Variants in PHF2 observed in about 807,000 individuals in gnomAD.
PHF2 encodes lysine-specific demethylase PHF2.
A neutral mutation model predicts 120.5 loss-of-function variants in PHF2; 27 were observed. The ratio of observed to expected loss-of-function variants is 0.22; its 90% CI spans 0.17 to 0.31. PHF2 has a LOEUF of 0.31. Ranked by LOEUF, PHF2 falls within the 10% of genes least tolerant of loss-of-function variation. PHF2 has a pLI of 1.00. For missense variants in PHF2, 1,024 were observed against 1,434.8 expected, an observed-to-expected ratio of 0.71 and a Z score of 4.63; for synonymous variants, 568 against 592.5, an observed-to-expected ratio of 0.96 and a Z score of 0.60.
chr9:93,599,630 C>G (rs563627406), intron 1 of PHF2, among the ~76,000 whole-genome samples: 3 of 152,356 alleles, frequency 2.0e-5, no homozygotes, highest in African/African-American at 4.8e-5. Flanking sequence ...GCCTCTCAGC[C>G]GAGATATTCG....
intron 1 of PHF2, among the ~76,000 whole-genome samples, chr9:93,615,243 G>GA (rs1825710956): frequency 2.7e-5 from 4 of 149,974 alleles, no homozygotes; most frequent in African/African-American, 9.8e-5. Flanking sequence ...TGGTGATGGT[G>GA]TTGATGGTGA....
At chr9:93,604,024 G>A (rs1825492480) in intron 1 of PHF2, among the ~76,000 whole-genome samples, 1 of 152,212 alleles carries the variant, frequency 6.6e-6, no homozygotes, top group Non-Finnish European at 1.5e-5. Flanking sequence ...GGCCTCTCCT[G>A]GACTGTCAAA....
intron 10 of PHF2, 33 bp from the exon 11 acceptor site, chr9:93,659,478 C>G (rs1435090985): frequency 6.3e-7 from 1 of 1,583,588 alleles, no homozygotes; most frequent in Non-Finnish European, 8.7e-7. Flanking sequence ...CGGGAGGTGT[C>G]TGGTGCTGAC....
chr9:93,675,029 C>G lies in PHF2; in HGVS notation c.2722+7C>G. ...GCTCCCTACAGCCCAACAGGTAGTG[C>G]TGGGACAGGGGTAGGGGGTCCACCT... On this transcript the variant is annotated splice_region_variant and intron_variant, in intron 19 of 21. Coordinates refer to ENST00000359246, the MANE Select transcript of PHF2 (RefSeq NM_005392.4). 1 of 1,608,260 alleles carries G rather than the reference C, an allele frequency of 6.2e-7. No individual in the cohort carries two copies. The highest frequency in any genetic ancestry group is 8.5e-7 in the Non-Finnish European group (1 of 1,175,232).
chr9:93,634,958 G>C (rs187871139), intron 2 of PHF2, among the ~76,000 whole-genome samples: 117 of 152,292 alleles, frequency 7.7e-4, no homozygotes, highest in African/African-American at 2.6e-3. Context: ...ACCCCACAAG[G>C]CCCGTGTGAG....
intron 1 of PHF2, among the ~76,000 whole-genome samples, chr9:93,627,842 G>A (rs957671248): frequency 6.6e-6 from 1 of 152,140 alleles, no homozygotes; most frequent in Admixed American, 6.5e-5. Flanking sequence ...GGAGAGATGG[G>A]AACATAAGAA....
intron 14 of PHF2, 58 bp from the exon 15 acceptor site, chr9:93,665,628 C>T: frequency 8.2e-6 from 13 of 1,582,188 alleles, no homozygotes; most frequent in Non-Finnish European, 1.1e-5. Context: ...GGAGGTCCTA[C>T]CTGTCCGCTG....
intron 1 of PHF2, among the ~76,000 whole-genome samples, chr9:93,579,967 T>A (rs1587656744): frequency 6.6e-6 from 1 of 152,164 alleles, no homozygotes; most frequent in African/African-American, 2.4e-5. Context: ...CTGGCCTGGG[T>A]TGGGGAGAAT....
At chr9:93,650,206 C>G (rs1826343189) in intron 5 of PHF2, among the ~76,000 whole-genome samples, 2 of 151,918 alleles carry the variant, frequency 1.3e-5, no homozygotes, top group Non-Finnish European at 2.9e-5. Flanking sequence ...CACCGACACA[C>G]TCACATGACA....
intron 1 of PHF2, chr9:93,594,783 C>G (rs573838611): frequency 6.6e-6 from 1 of 152,362 alleles, no homozygotes; most frequent in African/African-American, 2.4e-5. Context: ...TTAGTCCACA[C>G]CGGCTGAGGA....
At chr9:93,667,056 G>A (rs754991309) in intron 16 of PHF2, 24 bp from the exon 17 acceptor site, 80 of 1,594,082 alleles carry the variant, frequency 5.0e-5, no homozygotes, top group Admixed American at 1.8e-4. Flanking sequence ...TCCCCTGACC[G>A]AAGCCCTGTC....
chr9:93,633,635 G>A (rs1182978473), intron 2 of PHF2, among the ~76,000 whole-genome samples: 1 of 152,208 alleles, frequency 6.6e-6, no homozygotes, highest in African/African-American at 2.4e-5. Context: ...ACCTTTGCTG[G>A]TGACCTTGGC....
Position 93,576,705 on chromosome 9 carries a change from C to A in PHF2, c.-69C>A. On this transcript the variant is annotated 5_prime_UTR_variant, in exon 1 of 22. Transcript: ENST00000359246. ...CCCCCGCCGCCCCCGCGCGGCCCGG[C>A]CCCCGGCCCGGCCCGGACCGACCCG... 2 of 605,390 alleles carry A rather than the reference C, an allele frequency of 3.3e-6. No homozygotes were observed. The highest frequency in any genetic ancestry group is 4.1e-6 in the Non-Finnish European group (2 of 487,092). 37.5% of individuals were successfully genotyped at this position (605,390 alleles called of 1,614,324 possible). A position where few individuals can be genotyped will look rare whatever the true frequency, so the allele number is the denominator to read the frequency against.
intron 1 of PHF2, among the ~76,000 whole-genome samples, chr9:93,590,156 T>G (rs1008899118): frequency 1.1e-4 from 17 of 152,262 alleles, no homozygotes; most frequent in Admixed American, 1.3e-4. Context: ...CTCTACACAC[T>G]GGGCAACACA....
At position 93,677,066 on chromosome 9, in the gene PHF2, G is replaced by A; in HGVS notation, c.3202+103G>A. On this transcript the variant is annotated intron_variant, in intron 21 of 21. Coordinates refer to ENST00000359246, the MANE Select transcript of PHF2 (RefSeq NM_005392.4). This position sits in a 1 kb window ranked among gnomAD's most constrained non-coding sequence, Gnocchi z 4.4. ...GGCCCATGGTAGAGGGCAGCACATTGGGAGGGCTCCTGGGCCTTGGGTGGC... is the reference window on the plus strand; with the variant it reads ...GGCCCATGGTAGAGGGCAGCACATTAGGAGGGCTCCTGGGCCTTGGGTGGC... 3 of 1,302,384 alleles carry A rather than the reference G, an allele frequency of 2.3e-6. No homozygotes were observed. Among genetic ancestry groups the A allele is most frequent in the Non-Finnish European group, 3.1e-6 (3 of 968,398 alleles). 80.7% of individuals were successfully genotyped at this position (1,302,384 alleles called of 1,614,324 possible).
intron 5 of PHF2, among the ~76,000 whole-genome samples, chr9:93,651,457 A>C (rs1826368993): frequency 6.6e-6 from 1 of 152,164 alleles, no homozygotes; most frequent in South Asian, 2.1e-4. Context: ...CAGAGCCTTC[A>C]CATGGGCTTG....
rs768682740 is a variant in PHF2, at chr9:93,645,650, T to A, written c.321T>A (p.Arg107=). The part of the protein sequence containing the change: ...TFPSAEDVVA[R]VPGSQLTLGY... ...GCAGTGCTGAAGACGTGGTGGCCCG[T>A]GTGCCAGGAAGTCAGCTCACGCTGG... The change falls in exon 4 of 22, where the codon CGT becomes CGA. Residue 107 remains arginine (R), a synonymous_variant. Coordinates refer to ENST00000359246, the MANE Select transcript of PHF2 (RefSeq NM_005392.4). The A allele has an allele frequency of 1.2e-6, 2 of 1,605,360 alleles. No individual in the cohort carries two copies. The highest frequency in any genetic ancestry group is 1.7e-6 in the Non-Finnish European group (2 of 1,174,654).
In PHF2 at chr9:93,673,852, C is replaced by T; in HGVS notation, c.2616C>T (p.Asp872=). 1 of 1,594,888 alleles carries T rather than the reference C, an allele frequency of 6.3e-7. No homozygotes were observed. Among genetic ancestry groups the T allele is most frequent in the Non-Finnish European group, 8.6e-7 (1 of 1,166,842 alleles). Residue 872 remains aspartate (D), a synonymous_variant, in exon 18 of 22, where the codon GAC becomes GAT. Coordinates refer to ENST00000359246, the MANE Select transcript of PHF2 (RefSeq NM_005392.4). ...ACCACCTGGATGCCTGCTTCAAGGA[C>T]TCAGACTACGGTGAGTGTCACTCCT... The part of the protein sequence containing the change: ...EQDHLDACFK[D]SDYVYPSLES...
Position 93,612,755 on chromosome 9 carries a change from T to C in PHF2, c.99-17215T>C, listed in dbSNP as rs916748364. ...AATCTATGGTATTGTCCTGAATTGT[T>C]TTGATTTTTGTATCCACAAGGTTGG... On this transcript the variant is annotated intron_variant, in intron 1 of 21. Coordinates refer to ENST00000359246, the MANE Select transcript of PHF2 (RefSeq NM_005392.4). Among the ~76,000 whole-genome samples the C allele has an allele frequency of 4.6e-5, 7 of 152,294 alleles. No homozygotes were observed. The South Asian group carries it at 6.2e-4, about 14-fold the overall frequency.
Sources: allele counts gnomAD v4.1 joint callset (sites outside exome capture counted in the v4.1 genomes callset), GRCh38; gene constraint gnomAD v4.1.1; non-coding constraint Gnocchi (gnomAD v3.1); transcripts MANE v1.5; gene names NCBI Gene and HGNC (gene_info 2026-07-23, HGNC 2026-07-21).